The following PRDM16 variants were observed in gnomAD, a reference collection of about 807,000 sequenced individuals.
PRDM16 encodes the protein histone-lysine N-methyltransferase PRDM16.
PRDM16 carries 23 observed loss-of-function variants against 110.6 expected under a neutral mutation model. The ratio of observed to expected loss-of-function variants is 0.21; its 90% CI spans 0.15 to 0.29. The LOEUF is 0.29. Among genes scored for constraint, PRDM16 ranks in the 10% least tolerant of loss-of-function variants. The pLI is 1.00. For synonymous variants in PRDM16, 799 were observed against 781.8 expected, an observed-to-expected ratio of 1.02 and a Z score of -0.37; for missense variants, 1,615 against 1,794.3, an observed-to-expected ratio of 0.90 and a Z score of 1.81.
At chr1:3,191,550 A>G (rs921999739) in intron 2 of PRDM16, among the ~76,000 whole-genome samples, 1 of 152,346 alleles carries the variant, frequency 6.6e-6, no homozygotes, top group African/African-American at 2.4e-5. Context: ...ATGTCCTCAC[A>G]TGTAATATGG....
intron 1 of PRDM16, among the ~76,000 whole-genome samples, chr1:3,078,612 G>C (rs1412464217): frequency 6.6e-6 from 1 of 152,242 alleles, no homozygotes; most frequent in Non-Finnish European, 1.5e-5. Context: ...GCTGCTGTGA[G>C]CCTCTGCCTC....
intron 2 of PRDM16, chr1:3,207,672 G>C (rs1313137048): frequency 6.6e-6 from 1 of 152,334 alleles, no homozygotes; most frequent in Non-Finnish European, 1.5e-5. Flanking sequence ...TGCTGGCTGT[G>C]GTCTCCCGGG....
At chr1:3,389,949 G>GCCCCCCCCCCCCCCCCCCCCC (rs70938087) in intron 4 of PRDM16, among the ~76,000 whole-genome samples, 2 of 106,948 alleles carry the variant, frequency 1.9e-5, no homozygotes, top group Non-Finnish European at 2.0e-5. Flanking sequence ...CTGGGGGTGC[G>GCCCCCCCCCCCCCCCCCCCCC]CCCCCCCCCC....
chr1:3,262,312 C>G (rs980468562), intron 3 of PRDM16, among the ~76,000 whole-genome samples: 6 of 152,238 alleles, frequency 3.9e-5, no homozygotes, highest in Non-Finnish European at 5.9e-5. Context: ...CCCAGGGACT[C>G]CACATTATTC....
rs781605949 is a variant in PRDM16 at position 3,411,449 on chromosome 1, G to A, written c.1252G>A (p.Asp418Asn). ...NLCRHKRMHA[D>N]CRTQIKCKDC... ...GTGCCGGCACAAGCGGATGCACGCC[G>A]ACTGCCGCACGCAGATCAAGTGCAA... is the stretch of plus-strand genomic sequence containing the variant. The change falls in exon 9 of 17, where the codon GAC (aspartate) becomes AAC (asparagine). Residue 418 changes from aspartate to asparagine, a missense_variant. Physicochemically the swap from Asp to Asn is conservative, Grantham distance 23 (BLOSUM62 1). Coordinates refer to ENST00000270722, the MANE Select transcript of PRDM16 (RefSeq NM_022114.4). 7.4e-6 allele frequency: 12 copies of A among 1,614,050 alleles called. No homozygotes were observed. Among genetic ancestry groups the A allele is most frequent in the Admixed American group, 3.3e-5 (2 of 60,002 alleles).
At chr1:3,335,464 C>G (rs1007086529) in intron 3 of PRDM16, among the ~76,000 whole-genome samples, 1 of 152,130 alleles carries the variant, frequency 6.6e-6, no homozygotes, top group East Asian at 1.9e-4. Context: ...GTCGCATGTC[C>G]GAAAGCGTGC....
intron 3 of PRDM16, among the ~76,000 whole-genome samples, chr1:3,279,960 ACCT>A (rs1029710840): frequency 8.6e-5 from 13 of 151,554 alleles, no homozygotes; most frequent in African/African-American, 3.2e-4. Flanking sequence ...TCAAGACAAA[ACCT>A]CATGGAATCC....
At chr1:3,418,828 T>G in intron 12 of PRDM16, 84 bp downstream of exon 12, 2 of 1,038,266 alleles carry the variant, frequency 1.9e-6, no homozygotes, top group Non-Finnish European at 3.0e-6. Flanking sequence ...AAGTATGCCA[T>G]TCCCAGGGCT....
At chr1:3,212,002 G>T (rs1011293230) in intron 2 of PRDM16, among the ~76,000 whole-genome samples, 3 of 152,348 alleles carry the variant, frequency 2.0e-5, no homozygotes, top group African/African-American at 7.2e-5. Flanking sequence ...GATAATGGGC[G>T]AGTTCTCCGG....
At position 3,111,466 on chromosome 1, in the gene PRDM16, T is replaced by G. The variant is rs187667760; in HGVS notation, c.37+42170T>G. ...GGACCCAGTGCCACGCGGACTCCTG[T>G]GGGGAGGAGGACAGGCAAGGAGGCC... On this transcript the variant is annotated intron_variant, in intron 1 of 16. Coordinates refer to ENST00000270722, the MANE Select transcript of PRDM16 (RefSeq NM_022114.4). 1.8e-4 allele frequency among the ~76,000 whole-genome samples: 19 copies of G among 105,860 alleles called. 1 individual carries two copies. Among genetic ancestry groups the G allele is most frequent in the Middle Eastern group, 5.1e-3 (1 of 198 alleles). 69.4% of individuals were successfully genotyped at this position (105,860 alleles called of 152,430 possible). A position where few individuals can be genotyped will look rare whatever the true frequency, so the allele number is the denominator to read the frequency against.
chr1:3,429,357 C>A (rs182440112), intron 14 of PRDM16, among the ~76,000 whole-genome samples: 1 of 152,372 alleles, frequency 6.6e-6, no homozygotes, highest in East Asian at 1.9e-4. Context: ...AAAGCAAATA[C>A]TCTGTGCATG....
chr1:3,355,580 A>G (rs1289490297), intron 3 of PRDM16, among the ~76,000 whole-genome samples: 10 of 152,094 alleles, frequency 6.6e-5, no homozygotes, highest in Non-Finnish European at 4.4e-5. Flanking sequence ...GCCCAAGAAC[A>G]ATAAAAACAA....
Position 3,173,801 on chromosome 1 carries a change from T to C in PRDM16, c.38-12324T>C, listed in dbSNP as rs547819205. On this transcript the variant is annotated intron_variant, in intron 1 of 16. Transcript: ENST00000270722. Reference sequence around the variant, plus strand: ...GGGGCCGAGGCTCCGTGCTCAGCAATGCGGTTCCTCTGGGTGGTTTATGCT... The same window carrying C: ...GGGGCCGAGGCTCCGTGCTCAGCAACGCGGTTCCTCTGGGTGGTTTATGCT... 3.3e-5 allele frequency among the ~76,000 whole-genome samples: 5 copies of C among 152,328 alleles called. No homozygotes were observed. The East Asian group carries it at 9.7e-4, about 29-fold the overall frequency.
intron 2 of PRDM16, among the ~76,000 whole-genome samples, chr1:3,198,785 GTTCC>G: frequency 6.6e-6 from 1 of 152,226 alleles, no homozygotes. Flanking sequence ...AGTCGGCAGA[GTTCC>G]TTCCTTCTGG....
At chr1:3,153,153 CATGGTGA>C in intron 1 of PRDM16, among the ~76,000 whole-genome samples, 2 of 152,242 alleles carry the variant, frequency 1.3e-5, no homozygotes, top group Non-Finnish European at 2.9e-5. Context: ...CTGTTTGGTG[CATGGTGA>C]CCCCTCCCCT....
intron 5 of PRDM16, among the ~76,000 whole-genome samples, chr1:3,399,412 G>A (rs1482936602): frequency 1.3e-5 from 2 of 152,100 alleles, no homozygotes; most frequent in African/African-American, 4.8e-5. Context: ...CCCGTTTCTG[G>A]CCCCTCCATG....
At chr1:3,179,767 G>A (rs139005351) in intron 1 of PRDM16, among the ~76,000 whole-genome samples, 39 of 152,350 alleles carry the variant, frequency 2.6e-4, no homozygotes, top group African/African-American at 9.4e-4. Flanking sequence ...TCCTTGGAGG[G>A]TGTGGAAGAT....
At chr1:3,095,365 G>C (rs1241656756) in intron 1 of PRDM16, among the ~76,000 whole-genome samples, 1 of 147,144 alleles carries the variant, frequency 6.8e-6, no homozygotes, top group East Asian at 1.9e-4. Flanking sequence ...GGGTGCCGCT[G>C]GGGTGCCAGA....
Position 3,175,887 on chromosome 1 carries a change from G to C in PRDM16, c.38-10238G>C, listed in dbSNP as rs1644079562. 6.6e-6 allele frequency among the ~76,000 whole-genome samples: 1 copy of C among 152,164 alleles called. No individual in the cohort carries two copies. The highest frequency in any genetic ancestry group is 2.4e-5 in the African/African-American group (1 of 41,418). ...GCTAGGGAAGGAAAGTCAGAAGTGGGAGTGAGGCTCCTGCCTTCTACCTCT... is the reference window on the plus strand; with the variant it reads ...GCTAGGGAAGGAAAGTCAGAAGTGGCAGTGAGGCTCCTGCCTTCTACCTCT... On this transcript the variant is annotated intron_variant, in intron 1 of 16. Coordinates refer to ENST00000270722, the MANE Select transcript of PRDM16 (RefSeq NM_022114.4). This position sits in a 1 kb window ranked among gnomAD's most constrained non-coding sequence, Gnocchi z 4.8.
Sources: allele counts gnomAD v4.1 joint callset (sites outside exome capture counted in the v4.1 genomes callset), GRCh38; gene constraint gnomAD v4.1.1; non-coding constraint Gnocchi (gnomAD v3.1); transcripts MANE v1.5; gene names NCBI Gene and HGNC (gene_info 2026-07-23, HGNC 2026-07-21).